The following NMRK1 variants were observed in gnomAD, a reference collection of about 807,000 sequenced individuals.
NMRK1 encodes the protein nicotinamide riboside kinase 1.
Under a neutral mutation model 29.9 loss-of-function variants are expected in NMRK1, and 28 were observed. The ratio of observed to expected loss-of-function variants is 0.94; its 90% CI spans 0.69 to 1.28. The LOEUF is 1.28. Among genes scored for constraint, NMRK1 ranks in the 50% most tolerant of loss-of-function variants. The pLI is 0.00. For missense variants in NMRK1, 218 were observed against 233.1 expected, an observed-to-expected ratio of 0.94 and a Z score of 0.42; for synonymous variants, 58 against 73.0, an observed-to-expected ratio of 0.79 and a Z score of 1.05.
chr9:75,077,606 C>A lies in NMRK1; in HGVS notation c.30-26G>T, dbSNP rs759682859. On this transcript the variant is annotated intron_variant, in intron 2 of 8. Coordinates refer to ENST00000361092, the MANE Select transcript of NMRK1 (RefSeq NM_017881.3). ...CTGAAGCAAAGAAAAAAGAAAGTAC[C>A]AAGAAGGAAAATGCATTAAAAATCA... 2.5e-5 allele frequency: 39 copies of A among 1,531,464 alleles called. 1 individual carries two copies. The highest frequency in any genetic ancestry group is 1.7e-4 in the Middle Eastern group (1 of 5,904). The allele number at this position is 1,531,464 out of a possible 1,614,324, so 94.9% of individuals were successfully genotyped here. A position where few individuals can be genotyped will look rare whatever the true frequency, so the allele number is the denominator to read the frequency against.
At chr9:75,068,578 T>C (rs1355868752) in intron 7 of NMRK1, among the ~76,000 whole-genome samples, 1 of 152,222 alleles carries the variant, frequency 6.6e-6, no homozygotes. Context: ...TAAATGTGAC[T>C]TCCTCAAGGA....
rs1359841981 is a variant in NMRK1, at chr9:75,060,610, T to C, written c.*938A>G. 1 of 152,106 alleles carries C rather than the reference T, an allele frequency of 6.6e-6. No individual in the cohort carries two copies. The highest frequency in any genetic ancestry group is 1.5e-5 in the Non-Finnish European group (1 of 68,014). 9.4% of individuals were successfully genotyped at this position (152,106 alleles called of 1,614,324 possible). On this transcript the variant is annotated 3_prime_UTR_variant, in exon 9 of 9. Coordinates refer to ENST00000361092, the MANE Select transcript of NMRK1 (RefSeq NM_017881.3). ...AATCTTTTTATTAATAAGCAAAAGA[T>C]TGTTCAGTACATAATTTAAATTCCA...
At chr9:75,077,081 T>G in intron 4 of NMRK1, 78 bp downstream of exon 4, 1 of 866,964 alleles carries the variant, frequency 1.2e-6, no homozygotes, top group Non-Finnish European at 1.9e-6. Flanking sequence ...ACCATCAACT[T>G]CAACATAGTG....
intron 8 of NMRK1, among the ~76,000 whole-genome samples, chr9:75,062,542 T>C (rs1348428533): frequency 1.3e-5 from 2 of 152,282 alleles, no homozygotes; most frequent in Middle Eastern, 3.4e-3. Context: ...TAATGAAATC[T>C]ATAAAGCTGC....
Position 75,061,137 on chromosome 9 carries a change from T to TCA in NMRK1, c.*409_*410dup. On this transcript the variant is annotated 3_prime_UTR_variant, in exon 9 of 9. Coordinates refer to ENST00000361092, the MANE Select transcript of NMRK1 (RefSeq NM_017881.3). ...TTGTGATACTTGATGTATGTATGTATCACACACACACATACACACCTACAC... is the reference window on the plus strand; with the variant it reads ...TTGTGATACTTGATGTATGTATGTATCACACACACACACATACACACCTACAC... 1 of 172,058 alleles carries TCA rather than the reference T, an allele frequency of 5.8e-6. No individual in the cohort carries two copies. The highest frequency in any genetic ancestry group is 1.2e-5 in the Non-Finnish European group (1 of 80,666). The allele number at this position is 172,058 out of a possible 1,614,324, so 10.7% of individuals were successfully genotyped here.
intron 8 of NMRK1, among the ~76,000 whole-genome samples, chr9:75,066,057 C>T (rs1160766201): frequency 1.3e-5 from 2 of 152,154 alleles, no homozygotes; most frequent in African/African-American, 2.4e-5. Context: ...ATTTGAGTTC[C>T]TTAACCCATT....
At chr9:75,084,323 G>A (rs2118269624) in intron 1 of NMRK1, among the ~76,000 whole-genome samples, 1 of 152,322 alleles carries the variant, frequency 6.6e-6, no homozygotes, top group East Asian at 1.9e-4. Context: ...TCTATGATCT[G>A]TGTCCACACT....
intron 4 of NMRK1, among the ~76,000 whole-genome samples, chr9:75,071,196 G>A (rs1823679521): frequency 6.6e-6 from 1 of 151,752 alleles, no homozygotes; most frequent in African/African-American, 2.4e-5. Context: ...TCTATTCTCT[G>A]TTGTTCAGAT....
At chr9:75,071,486 G>A (rs1823695230) in intron 4 of NMRK1, among the ~76,000 whole-genome samples, 1 of 152,138 alleles carries the variant, frequency 6.6e-6, no homozygotes, top group East Asian at 1.9e-4. Flanking sequence ...TGTGATCATG[G>A]TATTGGTGTC....
At chr9:75,069,403 T>C (rs1199200319) in intron 6 of NMRK1, 10 of 471,516 alleles carry the variant, frequency 2.1e-5, no homozygotes, top group African/African-American at 1.4e-4. Flanking sequence ...GAGACCACTA[T>C]GTTGGATTAA....
chr9:75,076,438 G>T (rs192729415), intron 4 of NMRK1, among the ~76,000 whole-genome samples: 8 of 152,006 alleles, frequency 5.3e-5, no homozygotes, highest in African/African-American at 9.7e-5. Context: ...GGAGGCAGGT[G>T]GGGGGGAATG....
chr9:75,069,717 T>G (rs771505909), intron 6 of NMRK1, 25 bp downstream of exon 6: 16 of 1,590,826 alleles, frequency 1.0e-5, no homozygotes, highest in Non-Finnish European at 1.4e-5. Context: ...GAATTACAAC[T>G]CACAAAGATG....
At chr9:75,087,929 G>C (rs1227959898) in intron 1 of NMRK1, 79 bp downstream of exon 1, 1 of 153,834 alleles carries the variant, frequency 6.5e-6, no homozygotes, top group East Asian at 1.9e-4. Context: ...CCGGGCTCCA[G>C]CACAGAAACC....
intron 1 of NMRK1, among the ~76,000 whole-genome samples, chr9:75,085,285 T>C (rs12000994): frequency 0.016 from 2,371 of 152,288 alleles, 64 homozygotes; most frequent in African/African-American, 0.054. Flanking sequence ...GCTCAGACAA[T>C]AGAGCAATTT....
chr9:75,083,142 T>C lies in NMRK1; in HGVS notation c.-27A>G. Reference sequence around the variant, plus strand: ...ATTAGCTTTGAAAATCACAGCTTCCTAATATTTCCTAAAAGTAAAAAAACA... The same window carrying C: ...ATTAGCTTTGAAAATCACAGCTTCCCAATATTTCCTAAAAGTAAAAAAACA... On this transcript the variant is annotated 5_prime_UTR_variant, in exon 2 of 9. Transcript: ENST00000361092. 6.7e-7 allele frequency: 1 copy of C among 1,492,178 alleles called. No homozygotes were observed. Among genetic ancestry groups the C allele is most frequent in the Non-Finnish European group, 9.4e-7 (1 of 1,068,966 alleles). The allele number at this position is 1,492,178 out of a possible 1,614,324, so 92.4% of individuals were successfully genotyped here.
In NMRK1 at chr9:75,069,091, T is replaced by C. The variant is rs1281606303; in HGVS notation, c.401A>G (p.Tyr134Cys). Reference sequence around the variant, plus strand: ...GTATCCCGGAGAGTCTGGAGGCTGATAGACCCTTGTACTATCAAAACACGT... The same window carrying C: ...GTATCCCGGAGAGTCTGGAGGCTGACAGACCCTTGTACTATCAAAACACGT... ...ECKRRRSTRV[Y>C]QPPDSPGYFD... The change falls in exon 7 of 9, where the codon TAT (tyrosine) becomes TGT (cysteine). Residue 134 changes from tyrosine (Y) to cysteine (C), a missense_variant. Physicochemically the swap from Tyr to Cys is radical, Grantham distance 194. Transcript: ENST00000361092. 4 of 1,612,610 alleles carry C rather than the reference T, an allele frequency of 2.5e-6. No homozygotes were observed. Among genetic ancestry groups the C allele is most frequent in the Admixed American group, 1.7e-5 (1 of 59,984 alleles).
Position 75,061,524 on chromosome 9 carries a change from G to A in NMRK1, c.*24C>T, listed in dbSNP as rs1823019439. ...CCTTGGAGTTTCCTAATTCACTTCA[G>A]GAAGGATTTGTTGTGTTCCGTCTTT... is the stretch of plus-strand genomic sequence containing the variant. On this transcript the variant is annotated 3_prime_UTR_variant, in exon 9 of 9. Coordinates refer to ENST00000361092, the MANE Select transcript of NMRK1 (RefSeq NM_017881.3). 1 of 1,601,468 alleles carries A rather than the reference G, an allele frequency of 6.2e-7. No homozygotes were observed. Among genetic ancestry groups the A allele is most frequent in the Non-Finnish European group, 8.5e-7 (1 of 1,170,490 alleles).
At chr9:75,066,404 G>A in intron 8 of NMRK1, 1 of 416,190 alleles carries the variant, frequency 2.4e-6, no homozygotes, top group East Asian at 6.8e-5. Flanking sequence ...AAAAGAAAAG[G>A]GGAGCTCTGG....
At chr9:75,065,567 A>G (rs550040529) in intron 8 of NMRK1, among the ~76,000 whole-genome samples, 9 of 152,000 alleles carry the variant, frequency 5.9e-5, no homozygotes, top group Middle Eastern at 3.4e-3. Flanking sequence ...AATCCTCCCA[A>G]TTTAGCCTCC....
Sources: allele counts gnomAD v4.1 joint callset (sites outside exome capture counted in the v4.1 genomes callset), GRCh38; gene constraint gnomAD v4.1.1; transcripts MANE v1.5; gene names NCBI Gene and HGNC (gene_info 2026-07-23, HGNC 2026-07-21).